LGR6: variants seen among roughly 807,000 people sequenced by gnomAD.
LGR6 encodes leucine-rich repeat-containing G protein-coupled receptor 6.
Under a neutral mutation model 69.4 loss-of-function variants are expected in LGR6, and 45 were observed. The observed-to-expected ratio is 0.65, with a 90% CI of 0.51 to 0.83. The LOEUF is 0.83. Ranked by LOEUF, LGR6 falls within the 40% of genes least tolerant of loss-of-function variation. The probability of loss-of-function intolerance (pLI) is 0.00; values close to 1 mark genes in which losing one functional copy is unlikely to be tolerated. For synonymous variants in LGR6, 538 were observed against 555.0 expected (o/e 0.97, Z 0.43); for missense variants, 1,108 against 1,246.7 (o/e 0.89, Z 1.68).
In LGR6 at chr1:202,268,617, G is replaced by T. The variant is rs796760330; in HGVS notation, c.429-7689G>T. ...CTATGTAGCCAAGTAGGGGTGGGGG[G>T]TTCAGAGATGAAAACCAGCCCTGGG... is the stretch of plus-strand genomic sequence containing the variant. On this transcript the variant is annotated intron_variant, in intron 4 of 17. Coordinates refer to ENST00000367278, the MANE Select transcript of LGR6 (RefSeq NM_001017403.2). This position sits in a 1 kb window ranked among gnomAD's most constrained non-coding sequence, Gnocchi z 4.4. 3.3e-5 allele frequency among the ~76,000 whole-genome samples: 5 copies of T among 152,266 alleles called. No homozygotes were observed. The highest frequency in any genetic ancestry group is 3.9e-4 in the East Asian group (2 of 5,190).
chr1:202,229,014 G>A (rs1660794417), intron 3 of LGR6, among the ~76,000 whole-genome samples: 1 of 152,140 alleles, frequency 6.6e-6, no homozygotes, highest in Admixed American at 6.5e-5. Context: ...CCCGTCCTGT[G>A]CCCTGGCTTG....
At chr1:202,250,058 G>A (rs1382243792) in intron 4 of LGR6, among the ~76,000 whole-genome samples, 3 of 152,210 alleles carry the variant, frequency 2.0e-5, no homozygotes, top group Non-Finnish European at 2.9e-5. Context: ...ACTCTATGCT[G>A]TAGCCAGACT....
rs1430464415 is a variant in LGR6, at chr1:202,194,288, G to T, written c.212+87G>T. ...GCCTCAGCAGGGCACCTGCTTGCTT[G>T]GTGCCCTGGGGCATGGGCATCCCGG... On this transcript the variant is annotated intron_variant, in intron 1 of 17. Coordinates refer to ENST00000367278, the MANE Select transcript of LGR6 (RefSeq NM_001017403.2). 4.3e-6 allele frequency: 4 copies of T among 927,908 alleles called. No homozygotes were observed. The East Asian group carries it at 1.2e-4, about 27-fold the overall frequency. The allele number at this position is 927,908 out of a possible 1,614,324, so 57.5% of individuals were successfully genotyped here. A position where few individuals can be genotyped will look rare whatever the true frequency, so the allele number is the denominator to read the frequency against.
At chr1:202,269,081 T>A (rs1664896098) in intron 4 of LGR6, among the ~76,000 whole-genome samples, 1 of 151,996 alleles carries the variant, frequency 6.6e-6, no homozygotes, top group African/African-American at 2.4e-5. Context: ...ACTTTTAAAT[T>A]TTTTTCTAGA....
At chr1:202,314,549 G>A (rs1221006882) in intron 16 of LGR6, among the ~76,000 whole-genome samples, 2 of 152,176 alleles carry the variant, frequency 1.3e-5, no homozygotes, top group Non-Finnish European at 2.9e-5. Flanking sequence ...ATAGAGCCCT[G>A]ACTAATAGAA....
At chr1:202,239,852 G>A (rs1047665301) in intron 4 of LGR6, among the ~76,000 whole-genome samples, 6 of 152,134 alleles carry the variant, frequency 3.9e-5, no homozygotes, top group African/African-American at 9.7e-5. Context: ...AAATGGAAGC[G>A]ATAATAGTAT....
chr1:202,238,963 C>T (rs1036702242), intron 4 of LGR6, among the ~76,000 whole-genome samples: 2 of 152,150 alleles, frequency 1.3e-5, no homozygotes, highest in Non-Finnish European at 2.9e-5. Flanking sequence ...TGGGTGCCGG[C>T]GGGCTGAGGC....
chr1:202,238,725 A>AT (rs35307555), intron 4 of LGR6, among the ~76,000 whole-genome samples: 77,913 of 146,804 alleles, frequency 0.53, 20,618 homozygotes, highest in East Asian at 0.76. Context: ...GCCCAGCTCT[A>AT]TTTTTTTTTT....
chr1:202,318,343 C>T lies in LGR6; in HGVS notation c.2040C>T (p.Ser680=). ...SVSCVRAYGK[S]PSLGSVRAGV... ...CCTGTGTCCGGGCCTATGGGAAGTCCCCCTCCCTGGGCAGCGTTCGAGCAG... is the reference window on the plus strand; with the variant it reads ...CCTGTGTCCGGGCCTATGGGAAGTCTCCCTCCCTGGGCAGCGTTCGAGCAG... The change falls in exon 18 of 18, where the codon TCC becomes TCT. Residue 680 remains serine, a synonymous_variant. Transcript: ENST00000367278. 6.3e-7 allele frequency: 1 copy of T among 1,597,094 alleles called. No individual in the cohort carries two copies. The highest frequency in any genetic ancestry group is 8.5e-7 in the Non-Finnish European group (1 of 1,171,582).
Position 202,306,868 on chromosome 1 carries a change from C to A in LGR6, c.1137C>A (p.Ile379=). ...SLHRCQKLEE[I]GLQHNRIWEI... ...CATCCAGCCTCTCTTGCTGCCCTAG[C>A]GGCCTCCAACACAACCGCATCTGGG... The change falls in exon 13 of 18, where the codon ATC becomes ATA. Residue 379 remains isoleucine (I), a splice_region_variant and synonymous_variant. Coordinates refer to ENST00000367278, the MANE Select transcript of LGR6 (RefSeq NM_001017403.2). 3 of 1,613,958 alleles carry A rather than the reference C, an allele frequency of 1.9e-6. No homozygotes were observed. In the East Asian group the frequency reaches 6.7e-5, roughly 36 times the overall value.
In LGR6 at chr1:202,235,913, C is replaced by T. The variant is rs766463037; in HGVS notation, c.357-9C>T. On this transcript the variant is annotated splice_polypyrimidine_tract_variant and intron_variant, in intron 3 of 17. Transcript: ENST00000367278. ...GTGCGTCCTTAAAGCCCTTTCTCTT[C>T]TCCCGTAGGATGCTGCAGAACAATC... 11 of 1,613,738 alleles carry T rather than the reference C, an allele frequency of 6.8e-6. No individual in the cohort carries two copies. The highest frequency in any genetic ancestry group is 9.3e-6 in the Non-Finnish European group (11 of 1,179,834).
chr1:202,319,559 C>G lies in LGR6; in HGVS notation c.*352C>G. On this transcript the variant is annotated 3_prime_UTR_variant, in exon 18 of 18. Coordinates refer to ENST00000367278, the MANE Select transcript of LGR6 (RefSeq NM_001017403.2). Reference sequence around the variant, plus strand: ...ATCAGGGCACAGTGGACAGGGAGACCTCACAGAGAAAGGCCTGGAAGGTGA... The same window carrying G: ...ATCAGGGCACAGTGGACAGGGAGACGTCACAGAGAAAGGCCTGGAAGGTGA... 1 of 217,352 alleles carries G rather than the reference C, an allele frequency of 4.6e-6. No individual in the cohort carries two copies. Among genetic ancestry groups the G allele is most frequent in the Non-Finnish European group, 9.1e-6 (1 of 109,364 alleles). 13.5% of individuals were successfully genotyped at this position (217,352 alleles called of 1,614,324 possible). A position where few individuals can be genotyped will look rare whatever the true frequency, so the allele number is the denominator to read the frequency against.
At chr1:202,194,582 C>G (rs1404048818) in intron 1 of LGR6, 4 of 556,106 alleles carry the variant, frequency 7.2e-6, no homozygotes, top group Non-Finnish European at 1.5e-5. Context: ...GAGGGTAAAG[C>G]TGACAGAACT....
chr1:202,310,911 G>C (rs372692695), intron 16 of LGR6, among the ~76,000 whole-genome samples: 2 of 152,038 alleles, frequency 1.3e-5, no homozygotes, highest in Non-Finnish European at 2.9e-5. Flanking sequence ...TTCCGTGGCC[G>C]CCAGGTGCAA....
chr1:202,243,808 G>T (rs1662406641), intron 4 of LGR6, among the ~76,000 whole-genome samples: 1 of 152,192 alleles, frequency 6.6e-6, no homozygotes, highest in South Asian at 2.1e-4. Flanking sequence ...TTTTTCTCAA[G>T]GAGTCATTTT....
At chr1:202,291,168 C>T (rs546680954) in intron 6 of LGR6, among the ~76,000 whole-genome samples, 3 of 152,330 alleles carry the variant, frequency 2.0e-5, no homozygotes, top group African/African-American at 7.2e-5. Flanking sequence ...TGGACAGCTG[C>T]AGCTTCCAGA....
intron 1 of LGR6, among the ~76,000 whole-genome samples, chr1:202,212,489 A>C (rs1341270230): frequency 2.0e-5 from 3 of 152,230 alleles, no homozygotes; most frequent in Non-Finnish European, 4.4e-5. Flanking sequence ...CCAGAAACCC[A>C]ATATCAAGAT....
intron 4 of LGR6, chr1:202,236,301 C>T (rs757243390): frequency 1.5e-5 from 6 of 388,502 alleles, no homozygotes; most frequent in Non-Finnish European, 2.8e-5. Context: ...TGGTGTTCTG[C>T]CATTGGAGCC....
chr1:202,249,796 G>A (rs1010988626), intron 4 of LGR6, among the ~76,000 whole-genome samples: 3 of 152,032 alleles, frequency 2.0e-5, no homozygotes, highest in Non-Finnish European at 4.4e-5. Context: ...TTGTCTGCCC[G>A]CCATCATCAC....
Sources: allele counts gnomAD v4.1 joint callset (sites outside exome capture counted in the v4.1 genomes callset), GRCh38; gene constraint gnomAD v4.1.1; non-coding constraint Gnocchi (gnomAD v3.1); transcripts MANE v1.5; gene names NCBI Gene and HGNC (gene_info 2026-07-23, HGNC 2026-07-21).